Variants in RAB12 observed in about 807,000 individuals in gnomAD.
RAB12 encodes RAB12, member RAS oncogene family.
In RAB12, 11 loss-of-function variants were observed where a neutral mutation model predicts 28.4. That is an observed-to-expected ratio of 0.39 (90% CI 0.24 to 0.64). The LOEUF (loss-of-function observed/expected upper bound fraction) is 0.64, where lower values mean the gene tolerates loss of function less well. Ranked by LOEUF, RAB12 falls within the 30% of genes least tolerant of loss-of-function variation. The pLI, the probability that RAB12 is intolerant of heterozygous loss-of-function variation, is 0.50. For synonymous variants in RAB12, 138 were observed against 145.3 expected (o/e 0.95, Z 0.36); for missense variants, 276 against 351.1 (o/e 0.79, Z 1.71).
At chr18:8,627,853 G>A (rs1056697191) in intron 2 of RAB12, among the ~76,000 whole-genome samples, 2 of 152,080 alleles carry the variant, frequency 1.3e-5, no homozygotes, top group Admixed American at 1.3e-4. Context: ...TTGGAAGAGG[G>A]GGAATATTTC....
At chr18:8,621,138 C>G (rs754150068) in intron 1 of RAB12, among the ~76,000 whole-genome samples, 1 of 152,098 alleles carries the variant, frequency 6.6e-6, no homozygotes, top group Non-Finnish European at 1.5e-5. Context: ...CCTCTTTGTC[C>G]CTTGGTTGTT....
chr18:8,612,756 G>A (rs1283168029), intron 1 of RAB12, among the ~76,000 whole-genome samples: 1 of 152,094 alleles, frequency 6.6e-6, no homozygotes, highest in Non-Finnish European at 1.5e-5. Flanking sequence ...CTGCAGCCTC[G>A]ACCTGCCAGG....
intron 1 of RAB12, among the ~76,000 whole-genome samples, chr18:8,623,874 C>G (rs2096011242): frequency 6.6e-6 from 1 of 152,272 alleles, no homozygotes; most frequent in Admixed American, 6.5e-5. Context: ...TGCCCCAGGG[C>G]TGTAAACATG....
At chr18:8,611,646 C>A (rs1412322344) in intron 1 of RAB12, among the ~76,000 whole-genome samples, 1 of 152,126 alleles carries the variant, frequency 6.6e-6, no homozygotes, top group East Asian at 1.9e-4. Flanking sequence ...CAAAAGACTC[C>A]TTAGTAAGGC....
At chr18:8,629,746 C>T (rs974046778) in intron 2 of RAB12, among the ~76,000 whole-genome samples, 1 of 152,202 alleles carries the variant, frequency 6.6e-6, no homozygotes, top group African/African-American at 2.4e-5. Context: ...GAAATTGTAA[C>T]AGCATGGCCA....
intron 2 of RAB12, 38 bp from the exon 3 acceptor site, chr18:8,633,151 G>T: frequency 3.7e-6 from 6 of 1,612,860 alleles, no homozygotes; most frequent in Non-Finnish European, 5.1e-6. Flanking sequence ...CTCACTTTGG[G>T]CATTATTTGG....
chr18:8,619,258 C>T (rs142678961), intron 1 of RAB12, among the ~76,000 whole-genome samples: 26 of 152,262 alleles, frequency 1.7e-4, no homozygotes, highest in African/African-American at 3.9e-4. Context: ...GGGCACAGTC[C>T]GCTTGGCCGT....
At chr18:8,610,162 C>A in intron 1 of RAB12, 1 of 477,490 alleles carries the variant, frequency 2.1e-6, no homozygotes, top group South Asian at 2.7e-5. Flanking sequence ...CAGACCTGCC[C>A]TTGGCCCCCG....
intron 1 of RAB12, among the ~76,000 whole-genome samples, chr18:8,611,841 C>T (rs528432182): frequency 6.6e-6 from 1 of 152,200 alleles, no homozygotes; most frequent in African/African-American, 2.4e-5. Context: ...GGTTGAATTT[C>T]TGTCTTGCTC....
intron 1 of RAB12, among the ~76,000 whole-genome samples, chr18:8,620,120 T>G (rs374102370): frequency 4.8e-5 from 6 of 126,252 alleles, no homozygotes; most frequent in African/African-American, 8.1e-5. Flanking sequence ...TGACAAAGCC[T>G]TCTTTTTTTT....
chr18:8,617,495 C>T (rs1489027161), intron 1 of RAB12, among the ~76,000 whole-genome samples: 1 of 151,484 alleles, frequency 6.6e-6, no homozygotes, highest in African/African-American at 2.4e-5. Flanking sequence ...TTCTCCTCCT[C>T]TTTTGACCAG....
intron 1 of RAB12, among the ~76,000 whole-genome samples, chr18:8,621,105 G>A (rs1189378680): frequency 6.6e-6 from 1 of 152,174 alleles, no homozygotes; most frequent in Non-Finnish European, 1.5e-5. Flanking sequence ...CAACAGGGTT[G>A]TAGACAGTAG....
intron 4 of RAB12, among the ~76,000 whole-genome samples, chr18:8,635,977 A>G (rs1256004520): frequency 6.6e-6 from 1 of 152,246 alleles, no homozygotes; most frequent in African/African-American, 2.4e-5. Context: ...TGCTATTCAC[A>G]TTTAAATGTC....
intron 1 of RAB12, among the ~76,000 whole-genome samples, chr18:8,611,403 G>C (rs986679671): frequency 1.3e-5 from 2 of 152,118 alleles, no homozygotes; most frequent in Non-Finnish European, 2.9e-5. Flanking sequence ...GAGAAATCAG[G>C]TACCCATAGG....
chr18:8,624,398 T>G (rs1210398068), intron 1 of RAB12, among the ~76,000 whole-genome samples: 1 of 152,218 alleles, frequency 6.6e-6, no homozygotes, highest in Non-Finnish European at 1.5e-5. Flanking sequence ...TTAATTTGTG[T>G]AAGAGTAAAT....
chr18:8,620,995 T>TATG lies in RAB12; in HGVS notation c.515-3941_515-3939dup, dbSNP rs565762222. Among the ~76,000 whole-genome samples the TATG allele has an allele frequency of 4.0e-4, 61 of 152,292 alleles. No individual in the cohort carries two copies. In the East Asian group the frequency reaches 0.011, roughly 26 times the overall value. On this transcript the variant is annotated intron_variant, in intron 1 of 5. Transcript: ENST00000649141. Reference sequence around the variant, plus strand: ...TGCATGGTGTGTTAATTTAGGTCAGTATGACTGAGGTTTTCAAAGGCAGGG... The same window carrying TATG: ...TGCATGGTGTGTTAATTTAGGTCAGTATGATGACTGAGGTTTTCAAAGGCAGGG...
intron 1 of RAB12, among the ~76,000 whole-genome samples, chr18:8,618,934 C>G (rs1034410328): frequency 3.3e-5 from 5 of 152,186 alleles, no homozygotes. Context: ...AGATTTGCCT[C>G]TCTCTGTAAC....
chr18:8,625,241 G>C (rs1196145414), intron 2 of RAB12, among the ~76,000 whole-genome samples: 1 of 152,220 alleles, frequency 6.6e-6, no homozygotes, highest in African/African-American at 2.4e-5. Context: ...ATGGTAGCTA[G>C]TTTGGAACCT....
chr18:8,615,203 C>G (rs1247500511), intron 1 of RAB12, among the ~76,000 whole-genome samples: 1 of 152,160 alleles, frequency 6.6e-6, no homozygotes, highest in Non-Finnish European at 1.5e-5. Context: ...GAGTGTGAAT[C>G]CCTTGCAGAA....
Sources: allele counts gnomAD v4.1 joint callset (sites outside exome capture counted in the v4.1 genomes callset), GRCh38; gene constraint gnomAD v4.1.1; transcripts MANE v1.5; gene names NCBI Gene and HGNC (gene_info 2026-07-23, HGNC 2026-07-21).